Variants in CSMD3 observed in about 807,000 individuals in gnomAD.
The protein encoded by CSMD3 is CUB and sushi domain-containing protein 3.
CSMD3 carries 177 observed loss-of-function variants against 435.2 expected under a neutral mutation model. That is an observed-to-expected ratio of 0.41 (90% CI 0.36 to 0.46). The LOEUF (loss-of-function observed/expected upper bound fraction) is 0.46, where lower values mean the gene tolerates loss of function less well. CSMD3 is among the 20% of genes least tolerant of loss of function. The probability of loss-of-function intolerance (pLI) is 0.34; values close to 1 mark genes in which losing one functional copy is unlikely to be tolerated. For missense variants in CSMD3, 4,265 were observed against 4,504.6 expected, an observed-to-expected ratio of 0.95 and a Z score of 1.52; for synonymous variants, 1,656 against 1,520.5, an observed-to-expected ratio of 1.09 and a Z score of -2.07.
intron 50 of CSMD3, among the ~76,000 whole-genome samples, chr8:112,307,601 A>G (rs1347815450): frequency 6.6e-6 from 1 of 152,094 alleles, no homozygotes; most frequent in Non-Finnish European, 1.5e-5. Flanking sequence ...ATCTTTATAT[A>G]TCACTCTCAG....
At chr8:112,604,487 C>T (rs1832636924) in intron 22 of CSMD3, among the ~76,000 whole-genome samples, 1 of 152,004 alleles carries the variant, frequency 6.6e-6, no homozygotes, top group Admixed American at 6.6e-5. Context: ...CATACACCTA[C>T]AACGATCTGA....
At chr8:113,222,348 T>TA (rs1291747926) in intron 3 of CSMD3, among the ~76,000 whole-genome samples, 6 of 150,848 alleles carry the variant, frequency 4.0e-5, no homozygotes, top group South Asian at 4.2e-4. Flanking sequence ...AAAACCTGTA[T>TA]AAAAAAGAAG....
At chr8:112,247,281 TG>T in intron 63 of CSMD3, 150 bp from the exon 64 acceptor site, 1 of 644,516 alleles carries the variant, frequency 1.6e-6, no homozygotes, top group Non-Finnish European at 2.7e-6. Flanking sequence ...TAAAATAAAA[TG>T]GGAAAAATTC....
In CSMD3 at chr8:112,263,787, C is replaced by G. The variant is rs1190395788; in HGVS notation, c.9714G>C (p.Gln3238His). ...TTCCTTCCAGCCTTCCATTAGAGAT[C>G]TGGGGAGGAGTTGGGCAGGTAACAG... Reference protein sequence around the residue: ...CRAVTCPTPPQISNGRLEGTN... With the variant: ...CRAVTCPTPPHISNGRLEGTN... Residue 3238 changes from glutamine (Q) to histidine (H), a missense_variant, in exon 61 of 71, where the codon CAG becomes CAC. Physicochemically the swap from Gln to His is conservative, Grantham distance 24. Transcript: ENST00000297405. 6.2e-7 allele frequency: 1 copy of G among 1,613,796 alleles called. No individual in the cohort carries two copies. Among genetic ancestry groups the G allele is most frequent in the South Asian group, 1.1e-5 (1 of 91,084 alleles).
intron 13 of CSMD3, among the ~76,000 whole-genome samples, chr8:112,763,805 G>A (rs991256881): frequency 6.6e-6 from 1 of 151,004 alleles, no homozygotes. Context: ...CTTTCAAAAT[G>A]TAACAAGAAT....
chr8:113,314,495 A>T, intron 2 of CSMD3, 76 bp downstream of exon 2: 3 of 837,958 alleles, frequency 3.6e-6, no homozygotes, highest in Non-Finnish European at 6.2e-6. Flanking sequence ...CACAAATGTT[A>T]AGCATCTTTT....
chr8:112,241,020 A>G (rs1033028919), intron 66 of CSMD3, among the ~76,000 whole-genome samples: 2 of 152,112 alleles, frequency 1.3e-5, no homozygotes, highest in East Asian at 1.9e-4. Flanking sequence ...AGTCTTGGGT[A>G]TATCTTTATC....
intron 70 of CSMD3, among the ~76,000 whole-genome samples, chr8:112,227,401 G>A (rs1433543902): frequency 1.3e-5 from 2 of 152,190 alleles, no homozygotes; most frequent in Non-Finnish European, 2.9e-5. Flanking sequence ...TGGATGAGGG[G>A]AGTGAGGAGT....
At chr8:112,304,224 T>G (rs1179807595) in intron 52 of CSMD3, among the ~76,000 whole-genome samples, 1 of 152,152 alleles carries the variant, frequency 6.6e-6, no homozygotes, top group Non-Finnish European at 1.5e-5. Flanking sequence ...AGTTTTAAGA[T>G]TTTCTAGTTT....
At chr8:112,353,997 C>A (rs559688502) in intron 38 of CSMD3, among the ~76,000 whole-genome samples, 10 of 152,276 alleles carry the variant, frequency 6.6e-5, no homozygotes, top group African/African-American at 2.4e-4. Flanking sequence ...AGTTAATTCA[C>A]CATGATCAAA....
intron 27 of CSMD3, among the ~76,000 whole-genome samples, chr8:112,541,226 C>G (rs1826631901): frequency 6.6e-6 from 1 of 151,478 alleles, no homozygotes; most frequent in African/African-American, 2.4e-5. Context: ...CTTCAACGAA[C>G]TAGAAGAACA....
chr8:112,927,937 C>T (rs1228282478), intron 9 of CSMD3, among the ~76,000 whole-genome samples: 1 of 152,058 alleles, frequency 6.6e-6, no homozygotes, highest in Non-Finnish European at 1.5e-5. Flanking sequence ...CTACCTCATT[C>T]AATATTTATG....
rs1477399399 is a variant in CSMD3, at chr8:112,952,032, A to T, written c.1420+2652T>A. On this transcript the variant is annotated intron_variant, in intron 8 of 70. Transcript: ENST00000297405. ...ACTAGTTCATTAATTTTAACATTTT[A>T]AAAATATAAAACCTGTTTACTTAAT... 3.3e-5 allele frequency among the ~76,000 whole-genome samples: 5 copies of T among 151,842 alleles called. No homozygotes were observed. The East Asian group carries it at 9.7e-4, about 29-fold the overall frequency.
intron 53 of CSMD3, among the ~76,000 whole-genome samples, chr8:112,297,122 T>G (rs1820373466): frequency 6.6e-6 from 1 of 151,022 alleles, no homozygotes; most frequent in Non-Finnish European, 1.5e-5. Flanking sequence ...TTTTTTTTTT[T>G]GGCTGGGAAA....
intron 22 of CSMD3, among the ~76,000 whole-genome samples, chr8:112,607,265 C>A (rs547821354): frequency 1.3e-5 from 2 of 151,728 alleles, no homozygotes; most frequent in East Asian, 3.9e-4. Flanking sequence ...CCAAGAAAAA[C>A]ATGACTTACA....
intron 58 of CSMD3, among the ~76,000 whole-genome samples, chr8:112,283,861 T>C (rs760405951): frequency 8.6e-5 from 13 of 151,800 alleles, no homozygotes; most frequent in Non-Finnish European, 1.8e-4. Context: ...AACAACAGTG[T>C]ATTGTACATT....
At chr8:112,319,369 A>C (rs977949658) in intron 46 of CSMD3, among the ~76,000 whole-genome samples, 6 of 152,284 alleles carry the variant, frequency 3.9e-5, no homozygotes, top group Non-Finnish European at 8.8e-5. Flanking sequence ...ATAAAAGTTT[A>C]TTACAGCAAC....
chr8:112,343,610 C>T (rs1825384763), intron 41 of CSMD3, among the ~76,000 whole-genome samples: 1 of 152,146 alleles, frequency 6.6e-6, no homozygotes, highest in Non-Finnish European at 1.5e-5. Flanking sequence ...GACTGACATT[C>T]TTTGCTGGAC....
intron 2 of CSMD3, among the ~76,000 whole-genome samples, chr8:113,299,823 C>CA (rs778497174): frequency 6.6e-6 from 1 of 151,900 alleles, no homozygotes; most frequent in Non-Finnish European, 1.5e-5. Context: ...GGTGAAACCC[C>CA]TCTCTACTAA....
Sources: gnomAD v4.1 joint callset for allele counts (sites outside exome capture counted in the v4.1 genomes callset) on GRCh38, gnomAD v4.1.1 for gene constraint, MANE v1.5 for transcripts, NCBI Gene and HGNC (gene_info 2026-07-23, HGNC 2026-07-21) for gene names.